Variants in HCN1 observed in about 807,000 individuals in gnomAD.
The protein encoded by HCN1 is potassium/sodium hyperpolarization-activated cyclic nucleotide-gated channel 1.
HCN1 carries 13 observed loss-of-function variants against 78.9 expected under a neutral mutation model. The observed-to-expected ratio is 0.16, with a 90% CI of 0.11 to 0.26. HCN1 has a LOEUF of 0.26. Among genes scored for constraint, HCN1 ranks in the 10% least tolerant of loss-of-function variants. The probability of loss-of-function intolerance (pLI) is 1.00; values close to 1 mark genes in which losing one functional copy is unlikely to be tolerated. For missense variants in HCN1, 810 were observed against 1,154.3 expected, an observed-to-expected ratio of 0.70 and a Z score of 4.32; for synonymous variants, 552 against 455.5, an observed-to-expected ratio of 1.21 and a Z score of -2.70.
intron 2 of HCN1, among the ~76,000 whole-genome samples, chr5:45,605,889 A>G: frequency 6.6e-6 from 1 of 152,092 alleles, no homozygotes; most frequent in East Asian, 1.9e-4. Context: ...AGAAATTAAT[A>G]CATCTAAAGA....
intron 2 of HCN1, among the ~76,000 whole-genome samples, chr5:45,498,971 C>T (rs1167583749): frequency 6.6e-6 from 1 of 152,160 alleles, no homozygotes; most frequent in Admixed American, 6.5e-5. Context: ...CTGGGAGAAC[C>T]ACTACTCTTC....
At chr5:45,391,696 A>C (rs1314612108) in intron 4 of HCN1, among the ~76,000 whole-genome samples, 1 of 152,174 alleles carries the variant, frequency 6.6e-6, no homozygotes, top group Non-Finnish European at 1.5e-5. Flanking sequence ...GATGAGAGGC[A>C]CTTTGATAAT....
At chr5:45,465,427 G>A (rs1741247435) in intron 2 of HCN1, among the ~76,000 whole-genome samples, 1 of 152,040 alleles carries the variant, frequency 6.6e-6, no homozygotes, top group East Asian at 1.9e-4. Context: ...CTTTCAAGTG[G>A]TATTTACAGG....
At chr5:45,486,121 T>TA (rs1561172160) in intron 2 of HCN1, among the ~76,000 whole-genome samples, 1 of 152,190 alleles carries the variant, frequency 6.6e-6, no homozygotes, top group African/African-American at 2.4e-5. Flanking sequence ...GATCATGTTC[T>TA]AGGCTTCACA....
At chr5:45,535,877 T>A (rs190272936) in intron 2 of HCN1, among the ~76,000 whole-genome samples, 110 of 152,300 alleles carry the variant, frequency 7.2e-4, no homozygotes, top group Middle Eastern at 3.4e-3. Context: ...TTCAATGTCT[T>A]GTAACAAGGG....
rs779555889 is a variant in HCN1 at position 45,645,140 on chromosome 5, A to G, written c.849+45T>C. The G allele has an allele frequency of 2.8e-6, 4 of 1,423,308 alleles. No individual in the cohort carries two copies. The African/African-American group carries it at 4.3e-5, about 15-fold the overall frequency. 88.2% of individuals were successfully genotyped at this position (1,423,308 alleles called of 1,614,324 possible). On this transcript the variant is annotated intron_variant, in intron 2 of 7. Transcript: ENST00000303230. ...GTTCATTGTAAAACAGCCATAATTA[A>G]CAATTTCATGATATAGATTTAAAAA...
chr5:45,592,705 T>A (rs377366158), intron 2 of HCN1, among the ~76,000 whole-genome samples: 1 of 152,172 alleles, frequency 6.6e-6, no homozygotes, highest in African/African-American at 2.4e-5. Context: ...AACATCACTG[T>A]ACGAATCCAA....
intron 6 of HCN1, among the ~76,000 whole-genome samples, chr5:45,286,786 C>A (rs939063669): frequency 2.6e-5 from 4 of 151,946 alleles, no homozygotes; most frequent in African/African-American, 9.7e-5. Context: ...GGTACAAAGA[C>A]AATTTTAAAA....
chr5:45,539,520 C>A (rs1276140719), intron 2 of HCN1, among the ~76,000 whole-genome samples: 2 of 150,602 alleles, frequency 1.3e-5, no homozygotes, highest in East Asian at 3.9e-4. Flanking sequence ...AAAAAATTAG[C>A]CTGGCGTGGT....
At chr5:45,350,312 C>T (rs1045539581) in intron 5 of HCN1, among the ~76,000 whole-genome samples, 4 of 152,216 alleles carry the variant, frequency 2.6e-5, no homozygotes, top group Middle Eastern at 3.4e-3. Context: ...AGGCCTTTGA[C>T]AAAATTCAAC....
At chr5:45,620,311 GTGTTGTACTAATGTACAATGT>G (rs1434941501) in intron 2 of HCN1, among the ~76,000 whole-genome samples, 2 of 152,018 alleles carry the variant, frequency 1.3e-5, no homozygotes, top group East Asian at 1.9e-4. Flanking sequence ...AGTGTAGCTA[GTGTTGTACTAATGTACAATGT>G]ACAATATACC....
intron 2 of HCN1, among the ~76,000 whole-genome samples, chr5:45,560,784 A>C (rs1490030045): frequency 6.6e-6 from 1 of 152,056 alleles, no homozygotes; most frequent in African/African-American, 2.4e-5. Context: ...AATAATCTGA[A>C]GACTTAACAC....
intron 5 of HCN1, among the ~76,000 whole-genome samples, chr5:45,322,668 G>A (rs1364519084): frequency 6.6e-6 from 1 of 151,732 alleles, no homozygotes; most frequent in Non-Finnish European, 1.5e-5. Flanking sequence ...ACTTTTGATT[G>A]CAACCTGTCC....
At chr5:45,540,292 A>G (rs1464866899) in intron 2 of HCN1, among the ~76,000 whole-genome samples, 3 of 151,518 alleles carry the variant, frequency 2.0e-5, no homozygotes, top group Non-Finnish European at 4.4e-5. Flanking sequence ...TTCTGCAAAA[A>G]TGAATAAAAA....
At position 45,372,016 on chromosome 5, in the gene HCN1, AAT is replaced by A. The variant is rs1162771807; in HGVS notation, c.1231-18772_1231-18771del. 1.5e-4 allele frequency among the ~76,000 whole-genome samples: 10 copies of A among 64,656 alleles called. 1 individual carries two copies. The highest frequency in any genetic ancestry group is 3.0e-4 in the Admixed American group (1 of 3,302). 42.4% of individuals were successfully genotyped at this position (64,656 alleles called of 152,430 possible). A position where few individuals can be genotyped will look rare whatever the true frequency, so the allele number is the denominator to read the frequency against. ...GTAATATATATAGTATATATCATAT[AAT>A]ATATATAATATAATTATATATATAT... On this transcript the variant is annotated intron_variant, in intron 4 of 7. Transcript: ENST00000303230.
chr5:45,374,339 A>G (rs1747549503), intron 4 of HCN1, among the ~76,000 whole-genome samples: 1 of 140,762 alleles, frequency 7.1e-6, no homozygotes, highest in African/African-American at 2.6e-5. Context: ...TATACATTAT[A>G]TATATATAAT....
intron 3 of HCN1, among the ~76,000 whole-genome samples, chr5:45,421,371 GTT>G (rs950289357): frequency 1.3e-5 from 2 of 152,054 alleles, no homozygotes; most frequent in African/African-American, 4.8e-5. Flanking sequence ...CAGCAGCATG[GTT>G]TTTAACAACA....
At chr5:45,538,943 T>C (rs1219301949) in intron 2 of HCN1, among the ~76,000 whole-genome samples, 3 of 152,324 alleles carry the variant, frequency 2.0e-5, no homozygotes, top group South Asian at 2.1e-4. Context: ...GTTAATTTTG[T>C]ACCAGTGGGC....
At chr5:45,443,530 T>C (rs1443900764) in intron 3 of HCN1, among the ~76,000 whole-genome samples, 1 of 152,086 alleles carries the variant, frequency 6.6e-6, no homozygotes, top group Non-Finnish European at 1.5e-5. Flanking sequence ...AGAAAAAAGA[T>C]GCGTTAACTC....
Sources: allele counts gnomAD v4.1 joint callset (sites outside exome capture counted in the v4.1 genomes callset), GRCh38; gene constraint gnomAD v4.1.1; transcripts MANE v1.5; gene names NCBI Gene and HGNC (gene_info 2026-07-23, HGNC 2026-07-21).